MCTP2: variants seen among roughly 807,000 people sequenced by gnomAD.
MCTP2 encodes the protein multiple C2 and transmembrane domain-containing protein 2.
Under a neutral mutation model 111.6 loss-of-function variants are expected in MCTP2, and 132 were observed. The ratio of observed to expected loss-of-function variants is 1.18; its 90% CI spans 1.03 to 1.37. The LOEUF is 1.37. MCTP2 is among the 40% of genes most tolerant of loss of function. The probability of loss-of-function intolerance (pLI) is 0.00; values close to 1 mark genes in which losing one functional copy is unlikely to be tolerated. For synonymous variants in MCTP2, 395 were observed against 387.7 expected (o/e 1.02, Z -0.22); for missense variants, 1,183 against 1,067.9 (o/e 1.11, Z -1.50).
At chr15:94,245,740 A>G (rs1305141295) in intron 1 of MCTP2, among the ~76,000 whole-genome samples, 1 of 149,428 alleles carries the variant, frequency 6.7e-6, no homozygotes, top group Non-Finnish European at 1.5e-5. Flanking sequence ...ATATATCTAT[A>G]TAGACAAAAG....
At chr15:94,368,352 A>G in intron 11 of MCTP2, among the ~76,000 whole-genome samples, 1 of 152,234 alleles carries the variant, frequency 6.6e-6, no homozygotes, top group East Asian at 1.9e-4. Context: ...TTTAAATGAA[A>G]TGGCTGTGTC....
At chr15:94,327,854 T>G (rs1002023846) in intron 4 of MCTP2, among the ~76,000 whole-genome samples, 3 of 152,220 alleles carry the variant, frequency 2.0e-5, no homozygotes, top group Non-Finnish European at 4.4e-5. Context: ...TGTATGGTTT[T>G]GTTTTGGGAC....
At chr15:94,239,411 GACA>G (rs2070782651) in intron 1 of MCTP2, among the ~76,000 whole-genome samples, 1 of 152,168 alleles carries the variant, frequency 6.6e-6, no homozygotes, top group Non-Finnish European at 1.5e-5. Context: ...GTCAATTGGT[GACA>G]ACATCTGTTG....
At chr15:94,350,775 C>T (rs946372666) in intron 8 of MCTP2, among the ~76,000 whole-genome samples, 1 of 152,202 alleles carries the variant, frequency 6.6e-6, no homozygotes, top group African/African-American at 2.4e-5. Context: ...ACGATTAATA[C>T]TATTGCACAT....
At chr15:94,308,978 A>G (rs2076009822) in intron 2 of MCTP2, among the ~76,000 whole-genome samples, 1 of 152,272 alleles carries the variant, frequency 6.6e-6, no homozygotes, top group Admixed American at 6.5e-5. Context: ...TAGACAGTCA[A>G]TACAGCAGGG....
At chr15:94,254,925 A>G (rs2072669892) in intron 1 of MCTP2, among the ~76,000 whole-genome samples, 1 of 152,196 alleles carries the variant, frequency 6.6e-6, no homozygotes, top group Non-Finnish European at 1.5e-5. Context: ...TAAAGCTTGA[A>G]GTTTTCAGAT....
At chr15:94,256,502 T>C (rs370794253) in intron 1 of MCTP2, among the ~76,000 whole-genome samples, 2 of 152,178 alleles carry the variant, frequency 1.3e-5, no homozygotes, top group East Asian at 3.9e-4. Flanking sequence ...CTACAAAATA[T>C]GGGACTCCTT....
At chr15:94,379,870 T>C (rs1158949187) in intron 12 of MCTP2, among the ~76,000 whole-genome samples, 1 of 145,690 alleles carries the variant, frequency 6.9e-6, no homozygotes, top group Non-Finnish European at 1.5e-5. Context: ...ATATGACATA[T>C]AATCTATACT....
chr15:94,290,746 A>G (rs1304789989), intron 1 of MCTP2, among the ~76,000 whole-genome samples: 1 of 152,246 alleles, frequency 6.6e-6, no homozygotes, highest in East Asian at 1.9e-4. Context: ...CCAAAAGTAA[A>G]TTAGCATGGC....
chr15:94,383,986 A>G, intron 12 of MCTP2, 36 bp from the exon 13 acceptor site: 4 of 1,446,850 alleles, frequency 2.8e-6, no homozygotes, highest in Non-Finnish European at 3.9e-6. Flanking sequence ...TTCGAGATTC[A>G]CTTGTCTTTG....
At chr15:94,353,561 A>G (rs1394637617) in intron 8 of MCTP2, among the ~76,000 whole-genome samples, 1 of 152,194 alleles carries the variant, frequency 6.6e-6, no homozygotes, top group Non-Finnish European at 1.5e-5. Context: ...TTTCTTAAGC[A>G]ATTGCCAGAC....
chr15:94,365,890 C>T (rs1368842), intron 10 of MCTP2, among the ~76,000 whole-genome samples: 152,017 of 152,304 alleles, frequency 1, 75,867 homozygotes, highest in Middle Eastern at 1. Context: ...GCAGAGAAAA[C>T]TTCTACAAAT....
At chr15:94,347,901 T>TACACACACACACAC (rs57419585) in intron 8 of MCTP2, among the ~76,000 whole-genome samples, 1 of 149,482 alleles carries the variant, frequency 6.7e-6, no homozygotes, top group African/African-American at 2.5e-5. Flanking sequence ...CACACAGACA[T>TACACACACACACAC]ACACACACAC....
intron 17 of MCTP2, among the ~76,000 whole-genome samples, chr15:94,439,828 T>C (rs2083676062): frequency 6.6e-6 from 1 of 152,246 alleles, no homozygotes; most frequent in Admixed American, 6.5e-5. Context: ...CTCTTTCCTG[T>C]TCAAATAAAC....
In MCTP2 at chr15:94,298,712, T is replaced by G; in HGVS notation, c.447T>G (p.Asp149Glu). 1 of 1,608,628 alleles carries G rather than the reference T, an allele frequency of 6.2e-7. No individual in the cohort carries two copies. The highest frequency in any genetic ancestry group is 8.5e-7 in the Non-Finnish European group (1 of 1,178,166). ...TTCAGAAAACTTCCCTTGGAGGGGA[T>G]GCACCAGAAGAGCCAGAGGTGAGAA... ...FDLQKTSLGG[D>E]APEEPEKLCG... The change falls in exon 2 of 23, where the codon GAT becomes GAG. Residue 149 changes from aspartate (D) to glutamate (E), a missense_variant. By Grantham distance (45) the Asp-to-Glu change is conservative. Transcript: ENST00000357742.
At chr15:94,292,055 A>G (rs1242227559) in intron 1 of MCTP2, among the ~76,000 whole-genome samples, 1 of 152,250 alleles carries the variant, frequency 6.6e-6, no homozygotes, top group Non-Finnish European at 1.5e-5. Flanking sequence ...AGTAAGACCA[A>G]ATTAAACCTA....
rs1304038468 is a variant in MCTP2, at chr15:94,390,072, ATATATATATATATATATG to A, written c.1788+4565_1788+4582del. ...GGCATATATATATATATATATATAT[ATATATATATATATATATG>A]TATATATATATATATATATATATGT... On this transcript the variant is annotated intron_variant, in intron 14 of 22. Transcript: ENST00000357742. Among the ~76,000 whole-genome samples, 49 of 16,630 alleles carry A rather than the reference ATATATATATATATATATG, an allele frequency of 2.9e-3. 1 individual carries two copies. The highest frequency in any genetic ancestry group is 6.3e-3 in the African/African-American group (43 of 6,808). The allele number at this position is 16,630 out of a possible 152,430, so 10.9% of individuals were successfully genotyped here.
intron 4 of MCTP2, among the ~76,000 whole-genome samples, chr15:94,318,671 C>A (rs1418127814): frequency 6.6e-6 from 1 of 152,132 alleles, no homozygotes; most frequent in Admixed American, 6.5e-5. Flanking sequence ...AGTTCTTTCT[C>A]CCTCACTGCT....
At chr15:94,449,332 T>C (rs935867390) in intron 19 of MCTP2, among the ~76,000 whole-genome samples, 3 of 152,240 alleles carry the variant, frequency 2.0e-5, no homozygotes, top group Admixed American at 1.3e-4. Flanking sequence ...ATATGTTCCC[T>C]TGTCTACAAA....
Sources: gnomAD v4.1 joint callset for allele counts (sites outside exome capture counted in the v4.1 genomes callset) on GRCh38, gnomAD v4.1.1 for gene constraint, MANE v1.5 for transcripts, NCBI Gene and HGNC (gene_info 2026-07-23, HGNC 2026-07-21) for gene names.